The following MSI2 variants were observed in gnomAD, a reference collection of about 807,000 sequenced individuals.
MSI2 encodes the protein RNA-binding protein Musashi homolog 2.
A neutral mutation model predicts 45.6 loss-of-function variants in MSI2; 17 were observed. The observed-to-expected ratio is 0.37, with a 90% CI of 0.26 to 0.56. The LOEUF (loss-of-function observed/expected upper bound fraction) is 0.56. Among genes scored for constraint, MSI2 ranks in the 20% least tolerant of loss-of-function variants. The probability of loss-of-function intolerance (pLI) is 0.77; values close to 1 mark genes in which losing one functional copy is unlikely to be tolerated. For missense variants in MSI2, 293 were observed against 444.2 expected, an observed-to-expected ratio of 0.66 and a Z score of 3.06; for synonymous variants, 156 against 158.2, an observed-to-expected ratio of 0.99 and a Z score of 0.11.
chr17:57,272,200 C>T (rs1264186574), intron 5 of MSI2, among the ~76,000 whole-genome samples: 2 of 152,108 alleles, frequency 1.3e-5, no homozygotes, highest in Non-Finnish European at 2.9e-5. Flanking sequence ...AACAACAAAC[C>T]CTGTTTGGTT....
chr17:57,396,806 C>G (rs146041702), intron 5 of MSI2, among the ~76,000 whole-genome samples: 2 of 152,342 alleles, frequency 1.3e-5, no homozygotes, highest in African/African-American at 4.8e-5. Context: ...AGAGCGCACA[C>G]ACGCACACAT....
intron 5 of MSI2, chr17:57,285,893 G>T (rs979164977): frequency 1.3e-6 from 2 of 1,530,764 alleles, no homozygotes; most frequent in Non-Finnish European, 8.7e-7. Context: ...GATGATGAGG[G>T]GTTATATTAA....
At chr17:57,476,135 A>T (rs1689622941) in intron 6 of MSI2, among the ~76,000 whole-genome samples, 1 of 152,220 alleles carries the variant, frequency 6.6e-6, no homozygotes, top group African/African-American at 2.4e-5. Flanking sequence ...GAGGTTTGTC[A>T]TGCAAACGGT....
chr17:57,417,642 G>A (rs139894218), intron 6 of MSI2, among the ~76,000 whole-genome samples: 3 of 152,244 alleles, frequency 2.0e-5, no homozygotes, highest in Admixed American at 1.3e-4. Flanking sequence ...GAACCTCAGC[G>A]AACATTAGTC....
At chr17:57,285,658 G>C (rs1364633034) in intron 5 of MSI2, among the ~76,000 whole-genome samples, 2 of 152,150 alleles carry the variant, frequency 1.3e-5, no homozygotes, top group African/African-American at 4.8e-5. Flanking sequence ...GTTCTTAGTA[G>C]GTGTTTTGAA....
intron 5 of MSI2, among the ~76,000 whole-genome samples, chr17:57,326,997 C>T (rs1467271663): frequency 1.3e-5 from 2 of 152,190 alleles, no homozygotes; most frequent in African/African-American, 4.8e-5. Context: ...AAGGGAAAAA[C>T]CTCCCGTGGT....
At chr17:57,540,606 A>G (rs1896152391) in intron 7 of MSI2, among the ~76,000 whole-genome samples, 1 of 152,198 alleles carries the variant, frequency 6.6e-6, no homozygotes, top group African/African-American at 2.4e-5. Flanking sequence ...TAGTCCTTAT[A>G]AGAAGGAACA....
rs568677988 is a variant in MSI2, at chr17:57,505,229, G to A, written c.406-24447G>A. 7.2e-5 allele frequency among the ~76,000 whole-genome samples: 11 copies of A among 152,286 alleles called. No individual in the cohort carries two copies. The South Asian group carries it at 1.7e-3, about 23-fold the overall frequency. The stretch of plus-strand genomic sequence containing the variant: ...AGGCCTGGCAACAGAGCACAGAGAG[G>A]CAATGGCTCTTCTTGCCACCTTCTT... On this transcript the variant is annotated intron_variant, in intron 6 of 13. Coordinates refer to ENST00000284073, the MANE Select transcript of MSI2 (RefSeq NM_138962.4).
At chr17:57,321,895 CAA>C (rs1913375690) in intron 5 of MSI2, among the ~76,000 whole-genome samples, 1 of 152,010 alleles carries the variant, frequency 6.6e-6, no homozygotes, top group Non-Finnish European at 1.5e-5. Context: ...CTCCCGGATT[CAA>C]GTGATTCTCA....
At chr17:57,420,593 A>G (rs1379631038) in intron 6 of MSI2, among the ~76,000 whole-genome samples, 2 of 151,970 alleles carry the variant, frequency 1.3e-5, no homozygotes, top group Admixed American at 6.6e-5. Context: ...ATTCCTCCCA[A>G]ACTTCTCCAT....
chr17:57,534,573 G>T (rs1295498117), intron 7 of MSI2, among the ~76,000 whole-genome samples: 3 of 150,948 alleles, frequency 2.0e-5, no homozygotes, highest in African/African-American at 7.2e-5. Flanking sequence ...TTAGCCGGGT[G>T]TGGTGGTGGG....
At chr17:57,421,124 G>C (rs888480108) in intron 6 of MSI2, among the ~76,000 whole-genome samples, 1 of 151,844 alleles carries the variant, frequency 6.6e-6, no homozygotes, top group African/African-American at 2.4e-5. Context: ...TGTAATATTG[G>C]TTCCCTTACT....
chr17:57,602,201 G>T (rs945481477), intron 8 of MSI2, among the ~76,000 whole-genome samples: 4 of 151,880 alleles, frequency 2.6e-5, no homozygotes, highest in Non-Finnish European at 4.4e-5. Context: ...AACATTATGA[G>T]ATTTTTTTTT....
chr17:57,653,892 C>A lies in MSI2; in HGVS notation c.790+1731C>A, dbSNP rs542065657. ...TCCCAGAGCCAGGTGGGAGTCCCAC[C>A]CATCCCTCTAACTCCTAACCCCCAA... On this transcript the variant is annotated intron_variant, in intron 11 of 13. Transcript: ENST00000284073. 2.4e-3 allele frequency among the ~76,000 whole-genome samples: 365 copies of A among 152,058 alleles called. 1 individual carries two copies. The highest frequency in any genetic ancestry group is 3.8e-3 in the Non-Finnish European group (261 of 68,000).
At chr17:57,439,399 C>G (rs115963588) in intron 6 of MSI2, among the ~76,000 whole-genome samples, 70 of 152,258 alleles carry the variant, frequency 4.6e-4, no homozygotes, top group African/African-American at 1.7e-3. Context: ...AAAGCACTTC[C>G]TTGGCTGTTG....
At chr17:57,346,678 C>A (rs1337572450) in intron 5 of MSI2, among the ~76,000 whole-genome samples, 1 of 152,086 alleles carries the variant, frequency 6.6e-6, no homozygotes, top group Non-Finnish European at 1.5e-5. Flanking sequence ...ACGATCATGG[C>A]TCATTGTAGC....
At chr17:57,473,239 C>T (rs1180539897) in intron 6 of MSI2, among the ~76,000 whole-genome samples, 2 of 152,214 alleles carry the variant, frequency 1.3e-5, no homozygotes, top group Non-Finnish European at 2.9e-5. Flanking sequence ...GATCACCTTC[C>T]CTCCCAGAAG....
chr17:57,665,080 G>A (rs549771862), intron 11 of MSI2, among the ~76,000 whole-genome samples: 50 of 152,316 alleles, frequency 3.3e-4, no homozygotes, highest in Middle Eastern at 3.4e-3. Flanking sequence ...CCTCTAACTG[G>A]GAGGTGGGGA....
chr17:57,516,282 A>T (rs937170907), intron 6 of MSI2, among the ~76,000 whole-genome samples: 8 of 152,182 alleles, frequency 5.3e-5, no homozygotes, highest in Admixed American at 1.3e-4. Context: ...ATGTCACAGA[A>T]ATGGAGTCAT....
Sources: allele counts gnomAD v4.1 joint callset (sites outside exome capture counted in the v4.1 genomes callset), GRCh38; gene constraint gnomAD v4.1.1; transcripts MANE v1.5; gene names NCBI Gene and HGNC (gene_info 2026-07-23, HGNC 2026-07-21).